The following PLD1 variants were observed in gnomAD, a reference collection of about 807,000 sequenced individuals.
PLD1 encodes choline phosphatase 1.
In PLD1, 112 loss-of-function variants were observed where a neutral mutation model predicts 137.1. The ratio of observed to expected loss-of-function variants is 0.82; its 90% CI spans 0.70 to 0.96. PLD1 has a LOEUF of 0.96. PLD1 is among the 40% of genes least tolerant of loss of function. The probability of loss-of-function intolerance (pLI) is 0.00; values close to 1 mark genes in which losing one functional copy is unlikely to be tolerated. For synonymous variants in PLD1, 431 were observed against 454.7 expected (o/e 0.95, Z 0.66); for missense variants, 1,321 against 1,342.0 (o/e 0.98, Z 0.24).
chr3:171,629,393 C>T (rs1301655825), intron 23 of PLD1, among the ~76,000 whole-genome samples: 3 of 152,172 alleles, frequency 2.0e-5, no homozygotes, highest in Non-Finnish European at 2.9e-5. Context: ...ATATTCCATG[C>T]TCATGGGTAG....
chr3:171,741,818 T>A (rs1234330403), intron 1 of PLD1, among the ~76,000 whole-genome samples: 1 of 152,168 alleles, frequency 6.6e-6, no homozygotes, highest in Non-Finnish European at 1.5e-5. Flanking sequence ...AAGTAGAACA[T>A]CAAAGAGAAG....
At chr3:171,655,250 A>T (rs2108416734) in intron 21 of PLD1, among the ~76,000 whole-genome samples, 1 of 152,350 alleles carries the variant, frequency 6.6e-6, no homozygotes, top group Non-Finnish European at 1.5e-5. Context: ...AGACCAGAGA[A>T]GTCTATGGAG....
intron 1 of PLD1, among the ~76,000 whole-genome samples, chr3:171,802,521 T>C (rs950734477): frequency 6.6e-6 from 1 of 151,874 alleles, no homozygotes; most frequent in Non-Finnish European, 1.5e-5. Context: ...GGGAATAGCA[T>C]GATTAAAAGG....
intron 23 of PLD1, among the ~76,000 whole-genome samples, chr3:171,632,784 T>C (rs1345619983): frequency 6.6e-6 from 1 of 152,242 alleles, no homozygotes; most frequent in Non-Finnish European, 1.5e-5. Context: ...TGACTAGCTT[T>C]TAGCAGCTTG....
At chr3:171,783,497 C>G (rs537810342) in intron 1 of PLD1, among the ~76,000 whole-genome samples, 2 of 152,074 alleles carry the variant, frequency 1.3e-5, no homozygotes, top group South Asian at 4.2e-4. Context: ...AAGGAGTGGA[C>G]GTAAAAGTGT....
chr3:171,665,038 C>T (rs1314857526), intron 19 of PLD1, among the ~76,000 whole-genome samples: 3 of 152,194 alleles, frequency 2.0e-5, no homozygotes, highest in Non-Finnish European at 2.9e-5. Flanking sequence ...GTTTTTCCCT[C>T]GAATCCAAAA....
intron 1 of PLD1, among the ~76,000 whole-genome samples, chr3:171,779,625 A>G (rs1194583210): frequency 3.3e-5 from 5 of 152,188 alleles, no homozygotes; most frequent in African/African-American, 1.2e-4. Context: ...GGGTTTGGAT[A>G]TGTAAGTCTG....
intron 1 of PLD1, among the ~76,000 whole-genome samples, chr3:171,753,372 G>C (rs377508376): frequency 2.0e-5 from 3 of 152,194 alleles, no homozygotes; most frequent in Admixed American, 6.5e-5. Context: ...AAACTTTGAC[G>C]AACTGGAAAG....
Position 171,688,769 on chromosome 3 carries a change from C to T in PLD1, c.1446G>A (p.Leu482=), listed in dbSNP as rs764038973. 1.2e-5 allele frequency: 19 copies of T among 1,614,024 alleles called. No individual in the cohort carries two copies. The East Asian group carries it at 4.0e-4, about 34-fold the overall frequency. ...QSVAFVGGID[L]AYGRWDDNEH... ...CATTGTCGTCCCACCTTCCATAGGC[C>T]AGGTCAATCCCTCCCACAAAGGCCA... The change falls in exon 14 of 27, where the codon CTG becomes CTA. Residue 482 remains leucine (L), a synonymous_variant. Coordinates refer to ENST00000351298, the MANE Select transcript of PLD1 (RefSeq NM_002662.5).
rs1277347351 is a variant in PLD1, at chr3:171,726,862, C to T, written c.607-786G>A. ...GCTACTTTTCCCATTGTACAGAAGA[C>T]GAAACTGAGGTTTAGTGTAAGGGTA... On this transcript the variant is annotated intron_variant, in intron 6 of 26. Transcript: ENST00000351298. Among the ~76,000 whole-genome samples, 4 of 152,074 alleles carry T rather than the reference C, an allele frequency of 2.6e-5. 1 individual carries two copies. Among genetic ancestry groups the T allele is most frequent in the African/African-American group, 7.2e-5 (3 of 41,412 alleles).
intron 21 of PLD1, among the ~76,000 whole-genome samples, chr3:171,657,454 G>C (rs1163366112): frequency 6.6e-6 from 1 of 152,164 alleles, no homozygotes; most frequent in Non-Finnish European, 1.5e-5. Context: ...TAATGGTTTT[G>C]CTTATGTGTT....
At chr3:171,693,231 CATG>C (rs1239891732) in intron 12 of PLD1, among the ~76,000 whole-genome samples, 1 of 152,198 alleles carries the variant, frequency 6.6e-6, no homozygotes. Flanking sequence ...AGTTCATGAG[CATG>C]ATGATTGTGT....
At chr3:171,629,182 A>T (rs1411028148) in intron 23 of PLD1, among the ~76,000 whole-genome samples, 63 of 152,048 alleles carry the variant, frequency 4.1e-4, no homozygotes, top group African/African-American at 1.5e-3. Flanking sequence ...TACAAAATCA[A>T]TGTACAAAAA....
chr3:171,654,300 CAAAAAA>C (rs35731319), intron 21 of PLD1: 73 of 113,986 alleles, frequency 6.4e-4, no homozygotes, highest in South Asian at 1.1e-3. Flanking sequence ...AAGACTGTCT[CAAAAAA>C]AAAAAAAAAA....
intron 1 of PLD1, among the ~76,000 whole-genome samples, chr3:171,783,461 T>C (rs1327534539): frequency 6.6e-6 from 1 of 152,038 alleles, no homozygotes; most frequent in African/African-American, 2.4e-5. Context: ...AGGGCATTAA[T>C]GGAAAGTAAA....
At chr3:171,789,954 T>C (rs930849995) in intron 1 of PLD1, 2 of 152,240 alleles carry the variant, frequency 1.3e-5, no homozygotes, top group African/African-American at 4.8e-5. Flanking sequence ...AAGGATATTC[T>C]CTCCTAAGAG....
At chr3:171,757,580 T>G (rs1721116192) in intron 1 of PLD1, among the ~76,000 whole-genome samples, 1 of 152,204 alleles carries the variant, frequency 6.6e-6, no homozygotes, top group Non-Finnish European at 1.5e-5. Context: ...GAAATCACTT[T>G]CCGGATTTCA....
chr3:171,628,159 TA>T (rs1207761786), intron 23 of PLD1, among the ~76,000 whole-genome samples: 4 of 151,898 alleles, frequency 2.6e-5, no homozygotes, highest in Non-Finnish European at 5.9e-5. Context: ...ATAGACGCAA[TA>T]AAAAATGATA....
At chr3:171,764,858 A>G (rs1721722196) in intron 1 of PLD1, among the ~76,000 whole-genome samples, 1 of 21,074 alleles carries the variant, frequency 4.7e-5, no homozygotes, top group African/African-American at 2.1e-4. Flanking sequence ...AAAGAAAGAA[A>G]GAAAGAAAGA....
Sources: gnomAD v4.1 joint callset for allele counts (sites outside exome capture counted in the v4.1 genomes callset) on GRCh38, gnomAD v4.1.1 for gene constraint, MANE v1.5 for transcripts, NCBI Gene and HGNC (gene_info 2026-07-23, HGNC 2026-07-21) for gene names.